Variants in PDE4D observed in about 807,000 individuals in gnomAD.
PDE4D encodes the protein 3',5'-cyclic-AMP phosphodiesterase 4D.
In PDE4D, 24 loss-of-function variants were observed where a neutral mutation model predicts 87.4. The ratio of observed to expected loss-of-function variants is 0.27; its 90% CI spans 0.20 to 0.39. The LOEUF (loss-of-function observed/expected upper bound fraction) is 0.39. PDE4D is among the 10% of genes least tolerant of loss of function. The probability of loss-of-function intolerance (pLI) is 1.00; values close to 1 mark genes in which losing one functional copy is unlikely to be tolerated. For missense variants in PDE4D, 714 were observed against 1,041.0 expected, an observed-to-expected ratio of 0.69 and a Z score of 4.32; for synonymous variants, 384 against 383.2, an observed-to-expected ratio of 1.00 and a Z score of -0.02.
chr5:59,200,286 TATAC>T (rs1391360970), intron 2 of PDE4D, among the ~76,000 whole-genome samples: 33 of 134,934 alleles, frequency 2.4e-4, no homozygotes, highest in African/African-American at 9.6e-4. Flanking sequence ...CAGCTACAAG[TATAC>T]ATACATATGT....
chr5:59,321,998 C>T (rs988300806), intron 1 of PDE4D, among the ~76,000 whole-genome samples: 1 of 152,086 alleles, frequency 6.6e-6, no homozygotes, highest in Non-Finnish European at 1.5e-5. Context: ...AAATCTTTTG[C>T]TACATAGCAA....
rs751239550 is a variant in PDE4D, at chr5:58,999,559, ATATATATATG to A, written c.922-6104_922-6095del. 8 of 1,236,120 alleles carry A rather than the reference ATATATATATG, an allele frequency of 6.5e-6. 1 individual carries two copies. The Admixed American group carries it at 2.1e-4, about 32-fold the overall frequency. 76.6% of individuals were successfully genotyped at this position (1,236,120 alleles called of 1,614,324 possible). A position where few individuals can be genotyped will look rare whatever the true frequency, so the allele number is the denominator to read the frequency against. On this transcript the variant is annotated intron_variant, in intron 6 of 14. Transcript: ENST00000340635. ...CATTTTTGATTGATTATATGTATAT[ATATATATATG>A]TATATATATAGTAAGCTCTAAAATG...
At chr5:59,299,284 C>G (rs1272821587) in intron 1 of PDE4D, among the ~76,000 whole-genome samples, 1 of 152,144 alleles carries the variant, frequency 6.6e-6, no homozygotes, top group Non-Finnish European at 1.5e-5. Context: ...AAAAGCACCC[C>G]AGCTTCCTCA....
chr5:59,653,843 G>A (rs1743918195), intron 1 of PDE4D, among the ~76,000 whole-genome samples: 1 of 147,668 alleles, frequency 6.8e-6, no homozygotes, highest in Non-Finnish European at 1.5e-5. Context: ...AGAAGGAAGA[G>A]GAAAAGGGGG....
At chr5:60,416,331 C>A (rs529338650) in intron 1 of PDE4D, among the ~76,000 whole-genome samples, 1 of 152,196 alleles carries the variant, frequency 6.6e-6, no homozygotes, top group Non-Finnish European at 1.5e-5. Flanking sequence ...TGCTGGGGTC[C>A]CCTTCCACAC....
chr5:60,306,652 T>C (rs1033238426), intron 1 of PDE4D, among the ~76,000 whole-genome samples: 1 of 152,050 alleles, frequency 6.6e-6, no homozygotes, highest in African/African-American at 2.4e-5. Context: ...AATTACAAAG[T>C]ATATTTCACC....
chr5:59,304,499 T>C (rs1224349489), intron 1 of PDE4D, among the ~76,000 whole-genome samples: 2 of 152,146 alleles, frequency 1.3e-5, no homozygotes, highest in African/African-American at 4.8e-5. Flanking sequence ...TTCTTTCAAC[T>C]TTTCCCCATT....
intron 5 of PDE4D, among the ~76,000 whole-genome samples, chr5:59,043,699 TC>T (rs1012289567): frequency 2.0e-5 from 3 of 151,532 alleles, no homozygotes; most frequent in African/African-American, 7.3e-5. Flanking sequence ...ATGCTATCCC[TC>T]CCCCTTCCCC....
intron 1 of PDE4D, among the ~76,000 whole-genome samples, chr5:59,243,448 C>CTTTTTTTTT (rs767287011): frequency 2.8e-5 from 2 of 72,304 alleles, no homozygotes; most frequent in African/African-American, 6.2e-5. Flanking sequence ...TTAAAATAAC[C>CTTTTTTTTT]TTTTTTTTTT....
chr5:59,726,238 A>T (rs1036967581), intron 1 of PDE4D, among the ~76,000 whole-genome samples: 2 of 152,132 alleles, frequency 1.3e-5, no homozygotes, highest in East Asian at 3.9e-4. Flanking sequence ...GAACATAACT[A>T]ATTATGTGAA....
intron 1 of PDE4D, among the ~76,000 whole-genome samples, chr5:60,351,969 CT>C (rs1019080741): frequency 2.1e-3 from 292 of 138,660 alleles, no homozygotes; most frequent in East Asian, 8.6e-3. Context: ...CCACACCCGG[CT>C]TTTTTTTTTT....
At chr5:59,668,142 A>G (rs1746380412) in intron 1 of PDE4D, among the ~76,000 whole-genome samples, 1 of 152,230 alleles carries the variant, frequency 6.6e-6, no homozygotes, top group Non-Finnish European at 1.5e-5. Flanking sequence ...ATTCTGTGGG[A>G]TTCAGGTACT....
intron 1 of PDE4D, among the ~76,000 whole-genome samples, chr5:60,440,734 A>T (rs909522911): frequency 3.9e-5 from 6 of 152,134 alleles, no homozygotes; most frequent in African/African-American, 1.2e-4. Context: ...CAGACTAATA[A>T]TAATAGCATA....
At chr5:59,204,035 T>C (rs531580622) in intron 2 of PDE4D, among the ~76,000 whole-genome samples, 3 of 152,168 alleles carry the variant, frequency 2.0e-5, no homozygotes, top group Non-Finnish European at 4.4e-5. Flanking sequence ...AAATGATAAA[T>C]TGTTAGGTGA....
intron 3 of PDE4D, among the ~76,000 whole-genome samples, chr5:59,970,246 T>G (rs1760561206): frequency 6.6e-6 from 1 of 151,970 alleles, no homozygotes; most frequent in Admixed American, 6.6e-5. Context: ...CCTAAAACCA[T>G]AAAAACCCTA....
chr5:59,084,451 G>T (rs1048765293), intron 5 of PDE4D, among the ~76,000 whole-genome samples: 1 of 151,434 alleles, frequency 6.6e-6, no homozygotes, highest in African/African-American at 2.4e-5. Context: ...AAACATACAG[G>T]CTACATAGGG....
chr5:59,485,724 A>G (rs1203822958), intron 1 of PDE4D, among the ~76,000 whole-genome samples: 1 of 152,156 alleles, frequency 6.6e-6, no homozygotes, highest in Non-Finnish European at 1.5e-5. Context: ...CATTTTGCAT[A>G]AGATTAGAGC....
intron 1 of PDE4D, among the ~76,000 whole-genome samples, chr5:59,438,168 T>C (rs1469952010): frequency 1.3e-5 from 2 of 152,192 alleles, no homozygotes; most frequent in Non-Finnish European, 2.9e-5. Context: ...AAATGAACTA[T>C]AATTCAATGG....
chr5:59,370,264 G>T (rs1353252772), intron 1 of PDE4D, among the ~76,000 whole-genome samples: 1 of 152,034 alleles, frequency 6.6e-6, no homozygotes, highest in Non-Finnish European at 1.5e-5. Flanking sequence ...CCCTTTACTA[G>T]TTTCCCTCTC....
Sources: gnomAD v4.1 joint callset for allele counts (sites outside exome capture counted in the v4.1 genomes callset) on GRCh38, gnomAD v4.1.1 for gene constraint, MANE v1.5 for transcripts, NCBI Gene and HGNC (gene_info 2026-07-23, HGNC 2026-07-21) for gene names.